The following ITFG1 variants were observed in gnomAD, a reference collection of about 807,000 sequenced individuals.
ITFG1 encodes the protein T-cell immunomodulatory protein.
In ITFG1, 34 loss-of-function variants were observed where a neutral mutation model predicts 81.8. That is an observed-to-expected ratio of 0.42 (90% CI 0.32 to 0.55). The LOEUF (loss-of-function observed/expected upper bound fraction) is 0.55. ITFG1 is among the 20% of genes least tolerant of loss of function. ITFG1 has a pLI of 0.17. For synonymous variants in ITFG1, 285 were observed against 270.6 expected (o/e 1.05, Z -0.52); for missense variants, 672 against 755.4 (o/e 0.89, Z 1.29).
At chr16:47,348,247 A>G (rs1967889940) in intron 8 of ITFG1, among the ~76,000 whole-genome samples, 1 of 152,262 alleles carries the variant, frequency 6.6e-6, no homozygotes, top group African/African-American at 2.4e-5. Context: ...AAGGATTCAG[A>G]TGATCAAACT....
At chr16:47,287,091 G>A (rs1432229173) in intron 10 of ITFG1, among the ~76,000 whole-genome samples, 2 of 152,186 alleles carry the variant, frequency 1.3e-5, no homozygotes, top group African/African-American at 4.8e-5. Flanking sequence ...AAGATCAGAT[G>A]TATCAGAGCT....
intron 8 of ITFG1, among the ~76,000 whole-genome samples, chr16:47,352,758 C>G (rs965848283): frequency 5.9e-5 from 9 of 152,254 alleles, no homozygotes; most frequent in African/African-American, 1.9e-4. Context: ...CACATGCACA[C>G]ATATGTTTAT....
At chr16:47,305,514 C>T (rs1285492233) in intron 10 of ITFG1, among the ~76,000 whole-genome samples, 1 of 151,864 alleles carries the variant, frequency 6.6e-6, no homozygotes, top group Non-Finnish European at 1.5e-5. Context: ...AGAAAAAAAA[C>T]CTAAGAGAAT....
intron 10 of ITFG1, chr16:47,300,001 TGGGA>T (rs1567450947): frequency 1.3e-5 from 2 of 152,382 alleles, no homozygotes; most frequent in African/African-American, 4.8e-5. Flanking sequence ...AGAAAGGGCA[TGGGA>T]TGTTCTTTCC....
At chr16:47,172,420 G>T (rs1490744428) in intron 14 of ITFG1, among the ~76,000 whole-genome samples, 1 of 152,126 alleles carries the variant, frequency 6.6e-6, no homozygotes, top group Admixed American at 6.5e-5. Context: ...CCTGGGAGGC[G>T]CAGGTTGCAG....
intron 6 of ITFG1, among the ~76,000 whole-genome samples, chr16:47,407,222 T>C (rs968533706): frequency 1.3e-5 from 2 of 152,196 alleles, no homozygotes; most frequent in Admixed American, 6.5e-5. Context: ...GATGGCGACT[T>C]GAACCAGGAG....
At chr16:47,180,933 G>A (rs1185148699) in intron 14 of ITFG1, among the ~76,000 whole-genome samples, 1 of 151,504 alleles carries the variant, frequency 6.6e-6, no homozygotes, top group African/African-American at 2.4e-5. Context: ...TGTCTAGGAA[G>A]TGAGGAGCGT....
At chr16:47,188,143 G>A (rs1007296879) in intron 14 of ITFG1, among the ~76,000 whole-genome samples, 19 of 149,830 alleles carry the variant, frequency 1.3e-4, no homozygotes, top group African/African-American at 4.4e-4. Context: ...GGAGAAATAG[G>A]AACACTTTTA....
At chr16:47,195,643 C>T (rs551577425) in intron 14 of ITFG1, among the ~76,000 whole-genome samples, 24 of 152,286 alleles carry the variant, frequency 1.6e-4, no homozygotes, top group Middle Eastern at 3.4e-3. Flanking sequence ...TTTAACATTT[C>T]TTGATCAATG....
At chr16:47,367,990 C>T (rs916438638) in intron 7 of ITFG1, among the ~76,000 whole-genome samples, 22 of 152,256 alleles carry the variant, frequency 1.4e-4, no homozygotes, top group African/African-American at 5.1e-4. Context: ...GTAATCCCAG[C>T]ACTTTGGGAG....
At chr16:47,210,170 T>C (rs1265281279) in intron 14 of ITFG1, among the ~76,000 whole-genome samples, 2 of 152,244 alleles carry the variant, frequency 1.3e-5, no homozygotes, top group Non-Finnish European at 1.5e-5. Flanking sequence ...ACAAGCAATA[T>C]ATAAGTGATC....
chr16:47,377,520 G>C (rs1463839507), intron 6 of ITFG1, among the ~76,000 whole-genome samples: 10 of 152,166 alleles, frequency 6.6e-5, no homozygotes, highest in African/African-American at 2.4e-4. Flanking sequence ...ACAGAGCAAA[G>C]TAGTCGCCAG....
At chr16:47,166,803 C>T (rs1964896109) in intron 14 of ITFG1, among the ~76,000 whole-genome samples, 2 of 62,168 alleles carry the variant, frequency 3.2e-5, no homozygotes, top group African/African-American at 1.2e-4. Context: ...TAGTTTCTTT[C>T]ATTCCTAGAT....
chr16:47,224,972 C>G (rs1179180338), intron 13 of ITFG1, among the ~76,000 whole-genome samples: 3 of 152,088 alleles, frequency 2.0e-5, no homozygotes, highest in Non-Finnish European at 2.9e-5. Flanking sequence ...GCACTCTAGC[C>G]TGGGCAACAG....
intron 11 of ITFG1, among the ~76,000 whole-genome samples, chr16:47,259,920 T>C (rs1966186283): frequency 1.3e-5 from 2 of 152,172 alleles, no homozygotes; most frequent in African/African-American, 4.8e-5. Context: ...CAAGGGTCTG[T>C]TATTTGTTGG....
At chr16:47,312,961 AC>A (rs1967290380) in intron 9 of ITFG1, 1 of 152,136 alleles carries the variant, frequency 6.6e-6, no homozygotes, top group African/African-American at 2.4e-5. Context: ...GTGATTCAAA[AC>A]CTTAAAAAAA....
intron 9 of ITFG1, among the ~76,000 whole-genome samples, chr16:47,311,672 T>C (rs1967264459): frequency 6.6e-6 from 1 of 152,178 alleles, no homozygotes; most frequent in South Asian, 2.1e-4. Context: ...TTTTTCACAA[T>C]ACCACATGAA....
intron 10 of ITFG1, among the ~76,000 whole-genome samples, chr16:47,297,617 TG>T (rs1343796136): frequency 6.6e-6 from 1 of 151,916 alleles, no homozygotes; most frequent in Non-Finnish European, 1.5e-5. Flanking sequence ...ATAAAATTCC[TG>T]ATTGACAGTT....
chr16:47,455,337 A>G (rs1969437721), intron 2 of ITFG1, among the ~76,000 whole-genome samples: 1 of 152,168 alleles, frequency 6.6e-6, no homozygotes, highest in African/African-American at 2.4e-5. Flanking sequence ...AACAGAACTA[A>G]TGCAACAAAA....
Sources: gnomAD v4.1 joint callset for allele counts (sites outside exome capture counted in the v4.1 genomes callset) on GRCh38, gnomAD v4.1.1 for gene constraint, MANE v1.5 for transcripts, NCBI Gene and HGNC (gene_info 2026-07-23, HGNC 2026-07-21) for gene names.